NCAM2: variants seen among roughly 807,000 people sequenced by gnomAD.
NCAM2 encodes N-CAM-2.
NCAM2 carries 30 observed loss-of-function variants against 98.1 expected under a neutral mutation model. That is an observed-to-expected ratio of 0.31 (90% CI 0.23 to 0.41). The LOEUF (loss-of-function observed/expected upper bound fraction) is 0.41, where lower values mean the gene tolerates loss of function less well. Ranked by LOEUF, NCAM2 falls within the 10% of genes least tolerant of loss-of-function variation. The pLI, the probability that NCAM2 is intolerant of heterozygous loss-of-function variation, is 1.00. For missense variants in NCAM2, 867 were observed against 1,005.8 expected (o/e 0.86, Z 1.87); for synonymous variants, 368 against 342.4 (o/e 1.07, Z -0.83).
At chr21:21,077,744 A>T (rs2065709031) in intron 1 of NCAM2, among the ~76,000 whole-genome samples, 1 of 152,170 alleles carries the variant, frequency 6.6e-6, no homozygotes, top group Non-Finnish European at 1.5e-5. Flanking sequence ...AAACAGTTTC[A>T]GATGTATTTT....
chr21:21,275,703 C>T (rs2072704122), intron 1 of NCAM2, among the ~76,000 whole-genome samples: 1 of 152,032 alleles, frequency 6.6e-6, no homozygotes, highest in South Asian at 2.1e-4. Flanking sequence ...ATGTAACGTA[C>T]CTTGAATCTT....
intron 12 of NCAM2, among the ~76,000 whole-genome samples, chr21:21,466,056 T>G (rs1052184930): frequency 2.6e-5 from 4 of 152,036 alleles, no homozygotes; most frequent in Admixed American, 6.6e-5. Context: ...AAAATACAAG[T>G]TATGAGTAGG....
intron 5 of NCAM2, among the ~76,000 whole-genome samples, chr21:21,320,031 T>C (rs150057355): frequency 6.6e-6 from 1 of 152,326 alleles, no homozygotes; most frequent in African/African-American, 2.4e-5. Context: ...TACAGTCTGA[T>C]GGTACTATAT....
intron 15 of NCAM2, among the ~76,000 whole-genome samples, chr21:21,482,432 G>T (rs948611372): frequency 2.6e-5 from 4 of 152,092 alleles, no homozygotes; most frequent in Non-Finnish European, 4.4e-5. Flanking sequence ...TTTCATTTAA[G>T]TTAGAGAAGA....
intron 1 of NCAM2, among the ~76,000 whole-genome samples, chr21:21,275,098 C>T (rs7277930): frequency 0.83 from 126,475 of 152,038 alleles, 52,899 homozygotes; most frequent in East Asian, 0.99. Flanking sequence ...TGATTATCTT[C>T]GATATAATGT....
chr21:21,084,200 G>A (rs1326866776), intron 1 of NCAM2, among the ~76,000 whole-genome samples: 2 of 152,098 alleles, frequency 1.3e-5, no homozygotes, highest in Non-Finnish European at 2.9e-5. Context: ...TCATTCATGA[G>A]GGTTCTGCCT....
intron 1 of NCAM2, among the ~76,000 whole-genome samples, chr21:21,149,852 T>C (rs752505602): frequency 6.6e-6 from 1 of 152,206 alleles, no homozygotes; most frequent in Non-Finnish European, 1.5e-5. Flanking sequence ...TCTTTGCTAT[T>C]GTAAATAATG....
At chr21:21,232,490 G>A (rs539943654) in intron 1 of NCAM2, among the ~76,000 whole-genome samples, 11 of 151,490 alleles carry the variant, frequency 7.3e-5, no homozygotes, top group African/African-American at 2.7e-4. Context: ...TGCTTGAGTT[G>A]CCACTTGATG....
intron 8 of NCAM2, among the ~76,000 whole-genome samples, chr21:21,362,289 T>C (rs2075665775): frequency 6.6e-6 from 1 of 152,212 alleles, no homozygotes. Flanking sequence ...CAAAAGCCTT[T>C]AATAGTCTCA....
At chr21:21,400,726 A>G (rs900946398) in intron 9 of NCAM2, among the ~76,000 whole-genome samples, 1 of 151,950 alleles carries the variant, frequency 6.6e-6, no homozygotes, top group African/African-American at 2.4e-5. Context: ...GCAGGGATCA[A>G]AGGCACCTTA....
intron 15 of NCAM2, among the ~76,000 whole-genome samples, chr21:21,499,311 G>A (rs1025945700): frequency 6.6e-6 from 1 of 152,030 alleles, no homozygotes; most frequent in Non-Finnish European, 1.5e-5. Flanking sequence ...GCGTGATCTC[G>A]GCTCACTGCA....
chr21:21,115,987 GTGTGTC>G (rs920130379), intron 1 of NCAM2, among the ~76,000 whole-genome samples: 22 of 116,382 alleles, frequency 1.9e-4, no homozygotes, highest in African/African-American at 6.0e-4. Flanking sequence ...GTGTGTGTGT[GTGTGTC>G]TGTCTGTCTT....
intron 1 of NCAM2, among the ~76,000 whole-genome samples, chr21:21,086,251 C>T (rs546274951): frequency 6.0e-4 from 92 of 152,166 alleles, no homozygotes; most frequent in African/African-American, 2.2e-3. Flanking sequence ...CTTTGCATGA[C>T]CATGAAATAT....
intron 1 of NCAM2, among the ~76,000 whole-genome samples, chr21:21,265,726 A>G (rs1038058798): frequency 6.6e-6 from 1 of 151,784 alleles, no homozygotes; most frequent in Non-Finnish European, 1.5e-5. Flanking sequence ...ACATGGATAT[A>G]TAGGTGGACA....
rs1164136274 is a variant in NCAM2, at chr21:21,335,429, A to G, written c.738-76A>G. The G allele has an allele frequency of 2.3e-6, 3 of 1,276,964 alleles. No homozygotes were observed. In the African/African-American group the frequency reaches 4.6e-5, roughly 20 times the overall value. 79.1% of individuals were successfully genotyped at this position (1,276,964 alleles called of 1,614,324 possible). A position where few individuals can be genotyped will look rare whatever the true frequency, so the allele number is the denominator to read the frequency against. On this transcript the variant is annotated intron_variant, in intron 6 of 17. Transcript: ENST00000400546. ...TAGCCATATAGTCATCAATGCCTAT[A>G]GATTAAAAAGTTGATTAAAATCTAC...
rs1175340651 is a variant in NCAM2, at chr21:21,072,833, A to G, written c.55+74215A>G. 5.3e-5 allele frequency among the ~76,000 whole-genome samples: 8 copies of G among 152,286 alleles called. No individual in the cohort carries two copies. The East Asian group carries it at 1.4e-3, about 26-fold the overall frequency. On this transcript the variant is annotated intron_variant, in intron 1 of 17. Transcript: ENST00000400546. The stretch of plus-strand genomic sequence containing the variant: ...TCTCGTGGTAAAATATACATAATAT[A>G]CAATTTATCCTTTAGGCATTTTGAA...
chr21:21,236,138 A>G (rs1241436677), intron 1 of NCAM2, among the ~76,000 whole-genome samples: 1 of 149,686 alleles, frequency 6.7e-6, no homozygotes, highest in African/African-American at 2.4e-5. Context: ...TTTACCCTCT[A>G]TGAAACTTCC....
At chr21:21,187,429 G>A (rs1476112776) in intron 1 of NCAM2, among the ~76,000 whole-genome samples, 1 of 151,350 alleles carries the variant, frequency 6.6e-6, no homozygotes, top group African/African-American at 2.4e-5. Context: ...CCTCCATATT[G>A]TACTTCTCCA....
At chr21:21,108,460 G>C (rs2066393387) in intron 1 of NCAM2, among the ~76,000 whole-genome samples, 1 of 152,100 alleles carries the variant, frequency 6.6e-6, no homozygotes, top group African/African-American at 2.4e-5. Context: ...TGTCAAAAAT[G>C]AGTATGCTAA....
Sources: allele counts gnomAD v4.1 joint callset (sites outside exome capture counted in the v4.1 genomes callset), GRCh38; gene constraint gnomAD v4.1.1; transcripts MANE v1.5; gene names NCBI Gene and HGNC (gene_info 2026-07-23, HGNC 2026-07-21).